Variants in SFXN5 observed in about 807,000 individuals in gnomAD.
SFXN5 encodes the protein sideroflexin-5.
SFXN5 carries 43 observed loss-of-function variants against 50.2 expected under a neutral mutation model. That is an observed-to-expected ratio of 0.86 (90% CI 0.67 to 1.11). SFXN5 has a LOEUF of 1.11. Among genes scored for constraint, SFXN5 ranks in the 50% least tolerant of loss-of-function variants. SFXN5 has a pLI of 0.00. For missense variants in SFXN5, 463 were observed against 454.1 expected (o/e 1.02, Z -0.18); for synonymous variants, 203 against 185.8 (o/e 1.09, Z -0.75).
At chr2:73,050,462 C>T (rs770411622) in intron 2 of SFXN5, among the ~76,000 whole-genome samples, 14 of 150,820 alleles carry the variant, frequency 9.3e-5, no homozygotes, top group Middle Eastern at 3.4e-3. Flanking sequence ...CCAAGGCTTA[C>T]GCTTGTGCCC....
At chr2:72,998,765 G>A (rs560608002) in intron 9 of SFXN5, 184 bp downstream of exon 9, 7 of 625,008 alleles carry the variant, frequency 1.1e-5, no homozygotes, top group Non-Finnish European at 2.0e-5. Flanking sequence ...GGAGCACCAG[G>A]TTGTGCTCTG....
chr2:72,946,133 C>G (rs1671906632), intron 13 of SFXN5, among the ~76,000 whole-genome samples: 1 of 151,816 alleles, frequency 6.6e-6, no homozygotes, highest in Non-Finnish European at 1.5e-5. Flanking sequence ...CCTCCCCTGC[C>G]CACTCCGGGG....
intron 2 of SFXN5, among the ~76,000 whole-genome samples, chr2:73,054,547 G>C (rs1208747202): frequency 1.3e-5 from 2 of 152,102 alleles, no homozygotes; most frequent in Non-Finnish European, 2.9e-5. Flanking sequence ...CTGGGAAAAG[G>C]GAGCGGGGAC....
intron 8 of SFXN5, 51 bp from the exon 9 acceptor site, chr2:72,999,065 T>C (rs1673599051): frequency 4.4e-6 from 7 of 1,582,568 alleles, no homozygotes; most frequent in African/African-American, 1.3e-5. Flanking sequence ...AAAGCTCCCA[T>C]ACTTCCCCTT....
Position 72,945,529 on chromosome 2 carries a change from C to T in SFXN5, c.946-430G>A, listed in dbSNP as rs55635615. Among the ~76,000 whole-genome samples, 4 of 152,172 alleles carry T rather than the reference C, an allele frequency of 2.6e-5. No homozygotes were observed. Among genetic ancestry groups the T allele is most frequent in the African/African-American group, 4.8e-5 (2 of 41,508 alleles). On this transcript the variant is annotated intron_variant, in intron 13 of 13. Transcript: ENST00000272433. This position sits in a 1 kb window ranked among gnomAD's most constrained non-coding sequence, Gnocchi z 5.8. ...ACCCCACCCTCCTGGGCTCCTCAGTCGCCTGTCCTTCCAGCACCCCACTCA... is the reference window on the plus strand; with the variant it reads ...ACCCCACCCTCCTGGGCTCCTCAGTTGCCTGTCCTTCCAGCACCCCACTCA...
At chr2:72,974,478 G>A (rs1670386583) in intron 10 of SFXN5, among the ~76,000 whole-genome samples, 1 of 151,596 alleles carries the variant, frequency 6.6e-6, no homozygotes, top group African/African-American at 2.4e-5. Flanking sequence ...TGCCTGAATG[G>A]AAAAAAAACA....
chr2:72,999,951 G>A (rs573957712), intron 8 of SFXN5, among the ~76,000 whole-genome samples: 1 of 152,296 alleles, frequency 6.6e-6, no homozygotes, highest in African/African-American at 2.4e-5. Context: ...GCTCTGGGGG[G>A]GAGTTACCAG....
chr2:72,967,474 G>A (rs998562237), intron 12 of SFXN5, among the ~76,000 whole-genome samples: 6 of 152,266 alleles, frequency 3.9e-5, no homozygotes, highest in East Asian at 3.9e-4. Flanking sequence ...TTGAGGGGGT[G>A]GCATTCGGGC....
At chr2:72,964,138 G>T (rs2105402502) in intron 12 of SFXN5, among the ~76,000 whole-genome samples, 1 of 152,370 alleles carries the variant, frequency 6.6e-6, no homozygotes, top group South Asian at 2.1e-4. Flanking sequence ...AGCAAGGCAG[G>T]TCCCAGCCAT....
chr2:73,065,802 G>A (rs1471182411), intron 1 of SFXN5, among the ~76,000 whole-genome samples: 3 of 152,270 alleles, frequency 2.0e-5, no homozygotes, highest in Admixed American at 1.3e-4. Flanking sequence ...TGATCTGCCC[G>A]CCTTAGCCTC....
chr2:73,031,559 G>T (rs776708202), intron 3 of SFXN5, among the ~76,000 whole-genome samples: 2 of 152,202 alleles, frequency 1.3e-5, no homozygotes, highest in African/African-American at 2.4e-5. Context: ...TGGGGTTATT[G>T]GAAACTGCTT....
At position 73,001,531 on chromosome 2, in the gene SFXN5, G is replaced by A. The variant is rs531914329; in HGVS notation, c.405C>T (p.Phe135=). 9 of 1,614,214 alleles carry A rather than the reference G, an allele frequency of 5.6e-6. No homozygotes were observed. The South Asian group carries it at 8.8e-5, about 16-fold the overall frequency. Residue 135 remains phenylalanine (F), a synonymous_variant, in exon 7 of 14, where the codon TTC becomes TTT. Transcript: ENST00000272433. ...LPNQTLASTV[F]WQWLNQSHNA... is the part of the protein sequence containing the mutation. ...TTTGCTGCGAGACTGTTACCTGCCA[G>A]AAGACAGTGGATGCCAGTGTCTGGT...
intron 3 of SFXN5, among the ~76,000 whole-genome samples, chr2:73,035,720 G>C (rs1392825614): frequency 6.6e-6 from 1 of 151,924 alleles, no homozygotes; most frequent in East Asian, 1.9e-4. Flanking sequence ...GGCTGGTCTC[G>C]AACTCCTGAC....
intron 12 of SFXN5, among the ~76,000 whole-genome samples, chr2:72,966,533 G>A (rs1193919341): frequency 6.6e-6 from 1 of 152,120 alleles, no homozygotes; most frequent in African/African-American, 2.4e-5. Context: ...CTTAATCCCA[G>A]TGCTCACCAT....
chr2:72,997,794 T>A (rs1337193098), intron 9 of SFXN5: 1 of 152,212 alleles, frequency 6.6e-6, no homozygotes. Flanking sequence ...GGTTTCACCA[T>A]GTTGGCCAGG....
chr2:73,037,445 T>C lies in SFXN5; in HGVS notation c.249+3409A>G, dbSNP rs899791947. 7.3e-4 allele frequency among the ~76,000 whole-genome samples: 111 copies of C among 152,144 alleles called. 1 individual carries two copies. Among genetic ancestry groups the C allele is most frequent in the Admixed American group, 4.6e-4 (7 of 15,268 alleles). On this transcript the variant is annotated intron_variant, in intron 3 of 13. Transcript: ENST00000272433. ...GTGTCAGCCTATGATGGCTAATATT[T>C]GACTAACAGAAGTTCCAGAATGAGA...
Position 72,950,338 on chromosome 2 carries a change from C to T in SFXN5, c.946-5239G>A, listed in dbSNP as rs1172451964. Among the ~76,000 whole-genome samples the T allele has an allele frequency of 6.6e-6, 1 of 152,170 alleles. No homozygotes were observed. Among genetic ancestry groups the T allele is most frequent in the Non-Finnish European group, 1.5e-5 (1 of 68,024 alleles). On this transcript the variant is annotated intron_variant, in intron 13 of 13. Transcript: ENST00000272433. This position sits in a 1 kb window ranked among gnomAD's most constrained non-coding sequence, Gnocchi z 4.2. Reference sequence around the variant, plus strand: ...TTGGCAACTGGATTTCAGTGACTGCCTGGGGTCCACATTGTCCGACCCCCA... The same window carrying T: ...TTGGCAACTGGATTTCAGTGACTGCTTGGGGTCCACATTGTCCGACCCCCA...
intron 13 of SFXN5, among the ~76,000 whole-genome samples, chr2:72,952,050 A>T (rs961133218): frequency 3.9e-5 from 6 of 152,060 alleles, no homozygotes; most frequent in Admixed American, 2.0e-4. Context: ...GGGGCTGGGG[A>T]GCAGTTGAGG....
intron 3 of SFXN5, among the ~76,000 whole-genome samples, chr2:73,032,119 G>C (rs1005179139): frequency 1.2e-4 from 18 of 152,300 alleles, no homozygotes; most frequent in African/African-American, 4.3e-4. Context: ...TTGCTAGTTT[G>C]AAGTTTCACA....
Sources: gnomAD v4.1 joint callset for allele counts (sites outside exome capture counted in the v4.1 genomes callset) on GRCh38, gnomAD v4.1.1 for gene constraint, Gnocchi (gnomAD v3.1) non-coding constraint, MANE v1.5 for transcripts, NCBI Gene and HGNC (gene_info 2026-07-23, HGNC 2026-07-21) for gene names.